EFHC1: variants seen among roughly 807,000 people sequenced by gnomAD.
EFHC1 encodes the protein EF-hand domain-containing protein 1.
In EFHC1, 53 loss-of-function variants were observed where a neutral mutation model predicts 69.9. That is an observed-to-expected ratio of 0.76 (90% CI 0.61 to 0.95). EFHC1 has a LOEUF of 0.95. Among genes scored for constraint, EFHC1 ranks in the 40% least tolerant of loss-of-function variants. The pLI is 0.00. For missense variants in EFHC1, 739 were observed against 798.7 expected (o/e 0.93, Z 0.90); for synonymous variants, 256 against 278.4 (o/e 0.92, Z 0.80).
At chr6:52,492,238 T>G in intron 10 of EFHC1, 32 bp from the exon 11 acceptor site, 1 of 1,599,690 alleles carries the variant, frequency 6.3e-7, no homozygotes, top group Non-Finnish European at 8.6e-7. Context: ...CCTGCAGATC[T>G]GTCTCACCTA....
rs1352986930 is a variant in EFHC1, at chr6:52,492,362, A to G, written c.*21A>G. On this transcript the variant is annotated 3_prime_UTR_variant, in exon 11 of 11. Transcript: ENST00000371068. ...ACTGACCTGCTGATGAGAAAATGCAAGACAATTTTTGATACTGGAACTATG... is the reference window on the plus strand; with the variant it reads ...ACTGACCTGCTGATGAGAAAATGCAGGACAATTTTTGATACTGGAACTATG... 1 of 1,610,854 alleles carries G rather than the reference A, an allele frequency of 6.2e-7. No homozygotes were observed. Among genetic ancestry groups the G allele is most frequent in the Admixed American group, 1.7e-5 (1 of 59,980 alleles).
In EFHC1 at chr6:52,492,505, A is replaced by T. The variant is rs762950776; in HGVS notation, c.*164A>T. The T allele has an allele frequency of 6.7e-6, 5 of 745,934 alleles. No homozygotes were observed. The highest frequency in any genetic ancestry group is 5.9e-5 in the South Asian group (4 of 67,740). The allele number at this position is 745,934 out of a possible 1,614,324, so 46.2% of individuals were successfully genotyped here. A position where few individuals can be genotyped will look rare whatever the true frequency, so the allele number is the denominator to read the frequency against. ...TCGAAACTAAATTGGATCTAATAGG[A>T]TCTAAGATTGGTGCCTTATTTAGGG... On this transcript the variant is annotated 3_prime_UTR_variant, in exon 11 of 11. Transcript: ENST00000371068.
intron 9 of EFHC1, chr6:52,482,953 T>C (rs1046513270): frequency 6.3e-5 from 25 of 397,862 alleles, no homozygotes; most frequent in Non-Finnish European, 9.7e-5. Context: ...TTCTCTCTTT[T>C]GATTTTCCAT....
intron 3 of EFHC1, among the ~76,000 whole-genome samples, chr6:52,447,249 C>T (rs56228830): frequency 3.9e-5 from 6 of 152,220 alleles, no homozygotes; most frequent in African/African-American, 1.4e-4. Context: ...TTCTTGGAGG[C>T]TTTGTTCATT....
At chr6:52,466,322 C>T (rs1344668738) in intron 6 of EFHC1, among the ~76,000 whole-genome samples, 1 of 152,160 alleles carries the variant, frequency 6.6e-6, no homozygotes, top group Non-Finnish European at 1.5e-5. Context: ...ACTGAGTTCT[C>T]TGGTTCTACC....
Position 52,494,036 on chromosome 6 carries a change from C to T in EFHC1, c.*1695C>T, listed in dbSNP as rs1765982418. On this transcript the variant is annotated 3_prime_UTR_variant, in exon 11 of 11. Coordinates refer to ENST00000371068, the MANE Select transcript of EFHC1 (RefSeq NM_018100.4). ...CCAGGTTATTATCTTGGGAATAACC[C>T]ATGTTTTGTTTTGTTTTACCCTCAG... 1 of 453,654 alleles carries T rather than the reference C, an allele frequency of 2.2e-6. No homozygotes were observed. The highest frequency in any genetic ancestry group is 1.6e-5 in the South Asian group (1 of 64,462). 28.1% of individuals were successfully genotyped at this position (453,654 alleles called of 1,614,324 possible).
chr6:52,453,297 A>G, intron 4 of EFHC1: 1 of 1,287,398 alleles, frequency 7.8e-7, no homozygotes, highest in Non-Finnish European at 1.0e-6. Context: ...TCCTTGTTAA[A>G]TGTTATATTA....
intron 5 of EFHC1, among the ~76,000 whole-genome samples, chr6:52,460,368 GAGA>G (rs1274879497): frequency 6.6e-6 from 1 of 152,182 alleles, no homozygotes; most frequent in Non-Finnish European, 1.5e-5. Flanking sequence ...TGAGGATGGT[GAGA>G]AGGAGAGTTA....
rs1766060020 is a variant in EFHC1 at position 52,496,304 on chromosome 6, G to A, written c.*3963G>A. 6.5e-6 allele frequency: 1 copy of A among 152,682 alleles called. No individual in the cohort carries two copies. The highest frequency in any genetic ancestry group is 1.9e-4 in the East Asian group (1 of 5,186). The allele number at this position is 152,682 out of a possible 1,614,324, so 9.5% of individuals were successfully genotyped here. ...CTAACTGAAGCATTTGACTAAGACT[G>A]CTTATAGTGCTTACGGCTTTGGGAC... On this transcript the variant is annotated 3_prime_UTR_variant, in exon 11 of 11. Transcript: ENST00000371068.
Position 52,490,288 on chromosome 6 carries a change from G to A in EFHC1, c.1789G>A (p.Asp597Asn). The change falls in exon 10 of 11, where the codon GAC (aspartate) becomes AAC (asparagine). Residue 597 changes from aspartate (D) to asparagine (N), a missense_variant. Coordinates refer to ENST00000371068, the MANE Select transcript of EFHC1 (RefSeq NM_018100.4). ...GGAAGCTTCAGGATATGTGGACAGA[G>A]ACATGTTCTTTAAAATCTGTGAATC... is the stretch of plus-strand genomic sequence containing the variant. ...DKEASGYVDR[D>N]MFFKICESLN... 6.2e-7 allele frequency: 1 copy of A among 1,614,176 alleles called. No individual in the cohort carries two copies. Among genetic ancestry groups the A allele is most frequent in the Non-Finnish European group, 8.5e-7 (1 of 1,180,014 alleles).
intron 2 of EFHC1, among the ~76,000 whole-genome samples, chr6:52,429,356 A>T (rs1476054357): frequency 6.6e-6 from 1 of 152,014 alleles, no homozygotes; most frequent in South Asian, 2.1e-4. Flanking sequence ...ATCCATCTTG[A>T]GTTGATTTTT....
At chr6:52,485,587 A>G (rs1368212102) in intron 9 of EFHC1, 1 of 152,216 alleles carries the variant, frequency 6.6e-6, no homozygotes, top group Non-Finnish European at 1.5e-5. Flanking sequence ...CAGATCCATC[A>G]TAAATAGCTT....
intron 2 of EFHC1, among the ~76,000 whole-genome samples, chr6:52,430,568 G>T (rs564646117): frequency 1.3e-5 from 2 of 152,076 alleles, no homozygotes; most frequent in African/African-American, 4.8e-5. Flanking sequence ...CCACTTAATC[G>T]TGGTGGATTA....
chr6:52,434,971 C>G (rs917968071), intron 2 of EFHC1, among the ~76,000 whole-genome samples: 1 of 151,946 alleles, frequency 6.6e-6, no homozygotes, highest in Non-Finnish European at 1.5e-5. Flanking sequence ...AGGCCAACTT[C>G]CTGTTGCCAT....
intron 3 of EFHC1, among the ~76,000 whole-genome samples, chr6:52,445,208 C>T (rs1764753832): frequency 6.6e-6 from 1 of 150,970 alleles, no homozygotes. Context: ...ATTAGTCTTG[C>T]TAGCGGTCTA....
At chr6:52,475,242 A>G (rs1271390698) in intron 7 of EFHC1, among the ~76,000 whole-genome samples, 1 of 152,196 alleles carries the variant, frequency 6.6e-6, no homozygotes, top group Non-Finnish European at 1.5e-5. Flanking sequence ...AGGGTGCTTG[A>G]CAATAAGGGG....
chr6:52,477,481 A>G (rs972747656), intron 7 of EFHC1, among the ~76,000 whole-genome samples: 5 of 152,228 alleles, frequency 3.3e-5, no homozygotes, highest in Non-Finnish European at 7.4e-5. Context: ...TTTCTTCCTT[A>G]GGGGTTGTGT....
intron 5 of EFHC1, among the ~76,000 whole-genome samples, chr6:52,463,901 C>G (rs961871251): frequency 1.3e-5 from 2 of 152,174 alleles, no homozygotes; most frequent in African/African-American, 4.8e-5. Flanking sequence ...TAGGGAAATA[C>G]CAGGCCCTCC....
intron 3 of EFHC1, among the ~76,000 whole-genome samples, chr6:52,439,137 G>C (rs1764603445): frequency 6.6e-6 from 1 of 151,986 alleles, no homozygotes; most frequent in Admixed American, 6.6e-5. Context: ...TCGTAAGTTT[G>C]GATTTTTTAA....
Sources: gnomAD v4.1 joint callset for allele counts (sites outside exome capture counted in the v4.1 genomes callset) on GRCh38, gnomAD v4.1.1 for gene constraint, MANE v1.5 for transcripts, NCBI Gene and HGNC (gene_info 2026-07-23, HGNC 2026-07-21) for gene names.